SCN4A: variants seen among roughly 807,000 people sequenced by gnomAD.
SCN4A encodes the protein sodium channel protein type 4 subunit alpha.
In SCN4A, 83 loss-of-function variants were observed where a neutral mutation model predicts 162.0. The observed-to-expected ratio is 0.51, with a 90% CI of 0.43 to 0.61. SCN4A has a LOEUF of 0.61. SCN4A is among the 20% of genes least tolerant of loss of function. The probability of loss-of-function intolerance (pLI) is 0.00; values close to 1 mark genes in which losing one functional copy is unlikely to be tolerated. For synonymous variants in SCN4A, 944 were observed against 985.1 expected, an observed-to-expected ratio of 0.96 and a Z score of 0.78; for missense variants, 2,196 against 2,462.5, an observed-to-expected ratio of 0.89 and a Z score of 2.29.
chr17:63,961,558 A>G (rs1375513579), intron 10 of SCN4A, 127 bp from the exon 11 acceptor site: 2 of 699,988 alleles, frequency 2.9e-6, no homozygotes, highest in Admixed American at 2.2e-5. Flanking sequence ...ACCCTCTAGC[A>G]AGGCCTATTC....
chr17:63,948,066 G>A lies in SCN4A; in HGVS notation c.3145-3C>T. 1.3e-6 allele frequency: 2 copies of A among 1,591,254 alleles called. No individual in the cohort carries two copies. Among genetic ancestry groups the A allele is most frequent in the Middle Eastern group, 1.7e-4 (1 of 5,956 alleles). ...TCAATGTAGATGTCCTCGAAGGCCT[G>A]GGGGCACCAGCACCACCAGGGTGGC... On this transcript the variant is annotated splice_region_variant and splice_polypyrimidine_tract_variant and intron_variant, in intron 16 of 23. Transcript: ENST00000435607.
In SCN4A at chr17:63,944,605, G is replaced by A. The variant is rs1020741526; in HGVS notation, c.3912+68C>T. On this transcript the variant is annotated intron_variant, in intron 21 of 23. Coordinates refer to ENST00000435607, the MANE Select transcript of SCN4A (RefSeq NM_000334.4). This position sits in a 1 kb window ranked among gnomAD's most constrained non-coding sequence, Gnocchi z 4.3. ...AGCGTTTGTGGGTTTGTGCAATGGA[G>A]AGTGGACAAAGGAGGCAGGAGGGAG... 5 of 1,520,710 alleles carry A rather than the reference G, an allele frequency of 3.3e-6. No individual in the cohort carries two copies. The highest frequency in any genetic ancestry group is 4.5e-6 in the Non-Finnish European group (5 of 1,121,480). The allele number at this position is 1,520,710 out of a possible 1,614,324, so 94.2% of individuals were successfully genotyped here. A position where few individuals can be genotyped will look rare whatever the true frequency, so the allele number is the denominator to read the frequency against.
Position 63,956,549 on chromosome 17 carries a change from C to T in SCN4A, c.2376+613G>A, listed in dbSNP as rs567117200. On this transcript the variant is annotated intron_variant, in intron 13 of 23. Transcript: ENST00000435607. Reference sequence around the variant, plus strand: ...CATCCAGCCTGATTCTCTTTTTCGGCGCCTGGACCATAGGCCCTGGAGCAG... The same window carrying T: ...CATCCAGCCTGATTCTCTTTTTCGGTGCCTGGACCATAGGCCCTGGAGCAG... 2.6e-5 allele frequency among the ~76,000 whole-genome samples: 4 copies of T among 152,338 alleles called. No individual in the cohort carries two copies. In the South Asian group the frequency reaches 6.2e-4, roughly 24 times the overall value.
rs778178410 is a variant in SCN4A, at chr17:63,951,473, A to T, written c.2804T>A (p.Met935Lys). ...AGTGTCGGTTTCCTCCTCGGTGGGC[A>T]TCTCCAGGTCGGACTCCTCGGAGGC... is the stretch of plus-strand genomic sequence containing the variant. ...PIASEESDLEMPTEEETDTFS... is the reference protein window; with the variant it reads ...PIASEESDLEKPTEEETDTFS... The change falls in exon 14 of 24, where the codon ATG becomes AAG. Residue 935 changes from methionine to lysine, a missense_variant. By Grantham distance (95) the Met-to-Lys change is moderately conservative. Transcript: ENST00000435607. The surrounding 1 kb of genome is among the most constrained non-coding windows in gnomAD (Gnocchi z 4.5). 1 of 1,608,386 alleles carries T rather than the reference A, an allele frequency of 6.2e-7. No individual in the cohort carries two copies. The highest frequency in any genetic ancestry group is 1.1e-5 in the South Asian group (1 of 90,996).
rs1363849661 is a variant in SCN4A, at chr17:63,943,857, T to C, written c.3913-7A>G. ...AGATGTCTTTCCCCCCTAAGTATAG[T>C]GGGATAGGGCTTGTCAGGTTGAGGT... On this transcript the variant is annotated splice_region_variant and splice_polypyrimidine_tract_variant and intron_variant, in intron 21 of 23. Transcript: ENST00000435607. 3 of 1,561,608 alleles carry C rather than the reference T, an allele frequency of 1.9e-6. 1 individual carries two copies. Among genetic ancestry groups the C allele is most frequent in the South Asian group, 2.2e-5 (2 of 89,924 alleles).
chr17:63,943,235 A>G, intron 22 of SCN4A, 139 bp from the exon 23 acceptor site: 1 of 1,027,010 alleles, frequency 9.7e-7, no homozygotes, highest in Non-Finnish European at 1.4e-6. Flanking sequence ...AGAGAGAGAG[A>G]GAAAGGAGGT....
intron 12 of SCN4A, among the ~76,000 whole-genome samples, chr17:63,958,002 TAAAA>T (rs60393540): frequency 1.8e-5 from 1 of 55,178 alleles, no homozygotes; most frequent in Non-Finnish European, 4.1e-5. Flanking sequence ...AAAACTCCAC[TAAAA>T]AAAAAAAAAA....
Position 63,959,077 on chromosome 17 carries a change from G to A in SCN4A, c.2019+188C>T, listed in dbSNP as rs146505658. On this transcript the variant is annotated intron_variant, in intron 12 of 23. Transcript: ENST00000435607. ...CCCAGCAGCCCTATGAAAGAAGACA[G>A]GGCTCTCCTTTTCTCTGTTTTACAG... Among the ~76,000 whole-genome samples the A allele has an allele frequency of 3.7e-3, 561 of 152,258 alleles. 2 individuals carry two copies. Among genetic ancestry groups the A allele is most frequent in the African/African-American group, 0.013 (548 of 41,530 alleles).
intron 23 of SCN4A, 55 bp from the exon 24 acceptor site, chr17:63,942,048 G>A (rs547933453): frequency 3.3e-6 from 5 of 1,495,198 alleles, no homozygotes; most frequent in Middle Eastern, 1.9e-4. Flanking sequence ...CCGGCACAGG[G>A]TGTGGGGAGC....
rs535521462 is a variant in SCN4A at position 63,971,872 on chromosome 17, G to A, written c.483-22C>T. The A allele has an allele frequency of 4.5e-4, 729 of 1,612,734 alleles. 4 individuals are homozygous for A. In the South Asian group the frequency reaches 6.5e-3, roughly 14 times the overall value. ...GTACCTGGGGGGGAGAGGGCCGGCC[G>A]GGACAGGCATGTCACCTGGGTAGGG... On this transcript the variant is annotated intron_variant, in intron 3 of 23. Transcript: ENST00000435607.
intron 5 of SCN4A, among the ~76,000 whole-genome samples, chr17:63,969,636 C>T (rs1022441508): frequency 2.0e-5 from 3 of 151,824 alleles, no homozygotes; most frequent in African/African-American, 7.3e-5. Flanking sequence ...TTCTTACTTT[C>T]TTTTCTTTTC....
chr17:63,954,956 C>T (rs1021992680), intron 13 of SCN4A, among the ~76,000 whole-genome samples: 4 of 152,176 alleles, frequency 2.6e-5, no homozygotes, highest in African/African-American at 7.2e-5. Context: ...CCTGTTTCCT[C>T]ATCTATAAAA....
chr17:63,939,272 A>T lies in SCN4A; in HGVS notation c.*1499T>A, dbSNP rs887513667. 1 of 152,728 alleles carries T rather than the reference A, an allele frequency of 6.5e-6. No individual in the cohort carries two copies. Among genetic ancestry groups the T allele is most frequent in the Non-Finnish European group, 1.5e-5 (1 of 68,274 alleles). The allele number at this position is 152,728 out of a possible 1,614,324, so 9.5% of individuals were successfully genotyped here. On this transcript the variant is annotated 3_prime_UTR_variant, in exon 24 of 24. Coordinates refer to ENST00000435607, the MANE Select transcript of SCN4A (RefSeq NM_000334.4). ...ACACGCATCCACACACTCACAGCAC[A>T]GGTCCACTCTCCCAGGCACGGGAAC...
intron 22 of SCN4A, among the ~76,000 whole-genome samples, chr17:63,943,385 C>A (rs1908610385): frequency 6.6e-6 from 1 of 151,518 alleles, no homozygotes; most frequent in African/African-American, 2.4e-5. Flanking sequence ...CTTCCAAAGT[C>A]ATTGCTCCTG....
At position 63,951,615 on chromosome 17, in the gene SCN4A, T is replaced by G. The variant is rs202155883; in HGVS notation, c.2662A>C (p.Lys888Gln). The G allele has an allele frequency of 1.4e-4, 220 of 1,613,786 alleles. No individual in the cohort carries two copies. The highest frequency in any genetic ancestry group is 1.8e-4 in the Non-Finnish European group (214 of 1,179,812). ...TGGTTCAGGATGTGATTGTCCTTCTTCAGGTCCTCCTCGGGCGGCTCCTTC... is the reference window on the plus strand; with the variant it reads ...TGGTTCAGGATGTGATTGTCCTTCTGCAGGTCCTCCTCGGGCGGCTCCTTC... ...EKKEPPEEDL[K>Q]KDNHILNHMG... The change falls in exon 14 of 24, where the codon AAG (lysine) becomes CAG (glutamine). Residue 888 changes from lysine to glutamine, a missense_variant. Lys to Gln is a moderately conservative substitution (Grantham distance 53). Transcript: ENST00000435607. This position sits in a 1 kb window ranked among gnomAD's most constrained non-coding sequence, Gnocchi z 4.5.
rs1450925196 is a variant in SCN4A, at chr17:63,961,426, C to G, written c.1612G>C (p.Glu538Gln). ...SGISDAMEEL[E>Q]EAHQKCPPWW... ...GGTGGGCACTTTTGGTGGGCCTCTT[C>G]CAGTTCTGGGAGAGGGGTGGTAGCA... The change falls in exon 11 of 24, where the codon GAA becomes CAA. Residue 538 changes from glutamate to glutamine, a missense_variant. Physicochemically the swap from Glu to Gln is conservative, Grantham distance 29. Coordinates refer to ENST00000435607, the MANE Select transcript of SCN4A (RefSeq NM_000334.4). The G allele has an allele frequency of 6.2e-7, 1 of 1,612,030 alleles. No homozygotes were observed. The highest frequency in any genetic ancestry group is 1.7e-5 in the Admixed American group (1 of 60,006).
Position 63,961,170 on chromosome 17 carries a change from TCCCC to T in SCN4A, c.1845+19_1845+22del. The stretch of plus-strand genomic sequence containing the variant: ...CCCCTCCCATCCTGCCCATGAATGA[TCCCC>T]TCCCCCGCCCCTCCCTACCAGGTTG... On this transcript the variant is annotated intron_variant, in intron 11 of 23. Coordinates refer to ENST00000435607, the MANE Select transcript of SCN4A (RefSeq NM_000334.4). The T allele has an allele frequency of 9.8e-7, 1 of 1,016,006 alleles. No individual in the cohort carries two copies. Among genetic ancestry groups the T allele is most frequent in the Non-Finnish European group, 1.5e-6 (1 of 675,992 alleles). The allele number at this position is 1,016,006 out of a possible 1,614,324, so 62.9% of individuals were successfully genotyped here.
intron 13 of SCN4A, among the ~76,000 whole-genome samples, chr17:63,955,904 G>T (rs1909057863): frequency 6.6e-6 from 1 of 152,236 alleles, no homozygotes; most frequent in African/African-American, 2.4e-5. Context: ...GCAGCTCAGG[G>T]ATTCCATAGG....
chr17:63,953,625 G>A (rs1360836469), intron 13 of SCN4A, among the ~76,000 whole-genome samples: 1 of 150,720 alleles, frequency 6.6e-6, no homozygotes, highest in East Asian at 1.9e-4. Flanking sequence ...AGGTTGCAGT[G>A]AGCCCAGATT....
Sources: gnomAD v4.1 joint callset for allele counts (sites outside exome capture counted in the v4.1 genomes callset) on GRCh38, gnomAD v4.1.1 for gene constraint, Gnocchi (gnomAD v3.1) non-coding constraint, MANE v1.5 for transcripts, NCBI Gene and HGNC (gene_info 2026-07-23, HGNC 2026-07-21) for gene names.